Variants in CYYR1 observed in about 807,000 individuals in gnomAD.
CYYR1 encodes the protein cysteine and tyrosine-rich protein 1.
In CYYR1, 14 loss-of-function variants were observed where a neutral mutation model predicts 15.2. The ratio of observed to expected loss-of-function variants is 0.92; its 90% CI spans 0.61 to 1.44. The LOEUF (loss-of-function observed/expected upper bound fraction) is 1.44, where lower values mean the gene tolerates loss of function less well. Ranked by LOEUF, CYYR1 falls within the 40% of genes most tolerant of loss-of-function variation. The pLI is 0.00. For missense variants in CYYR1, 228 were observed against 209.5 expected (o/e 1.09, Z -0.54); for synonymous variants, 80 against 77.4 (o/e 1.03, Z -0.18).
At chr21:26,472,764 A>G (rs1416861891) in intron 3 of CYYR1, among the ~76,000 whole-genome samples, 1 of 152,160 alleles carries the variant, frequency 6.6e-6, no homozygotes, top group Non-Finnish European at 1.5e-5. Context: ...GACATTCTGA[A>G]GTTTAAAACC....
Position 26,480,430 on chromosome 21 carries a change from C to T in CYYR1, c.177-1G>A, listed in dbSNP as rs1302299756. ...AACAATGCCCGCAATTGCAGTGCCCCTAAAAGGAAAAACAAGTAAGTTTAC... is the reference window on the plus strand; with the variant it reads ...AACAATGCCCGCAATTGCAGTGCCCTTAAAAGGAAAAACAAGTAAGTTTAC... On this transcript the variant is annotated splice_acceptor_variant, in intron 2 of 3. Coordinates refer to ENST00000652641, the MANE Select transcript of CYYR1 (RefSeq NM_001320768.2). LOFTEE classifies it high-confidence loss of function. The T allele has an allele frequency of 1.4e-5, 23 of 1,606,590 alleles. No individual in the cohort carries two copies. The highest frequency in any genetic ancestry group is 2.0e-5 in the Non-Finnish European group (23 of 1,177,270).
chr21:26,495,376 C>A (rs1244837439), intron 2 of CYYR1, among the ~76,000 whole-genome samples: 1 of 152,150 alleles, frequency 6.6e-6, no homozygotes. Context: ...TCTACATTTC[C>A]CAGCTTCCCA....
At chr21:26,484,329 C>A (rs752401272) in intron 2 of CYYR1, among the ~76,000 whole-genome samples, 1 of 152,070 alleles carries the variant, frequency 6.6e-6, no homozygotes, top group African/African-American at 2.4e-5. Flanking sequence ...TGTATTTATA[C>A]TTTCCAGAGG....
intron 2 of CYYR1, among the ~76,000 whole-genome samples, chr21:26,502,880 A>T (rs1280638002): frequency 6.6e-5 from 10 of 151,958 alleles, no homozygotes; most frequent in Non-Finnish European, 1.5e-4. Flanking sequence ...TCTGTGATGA[A>T]TTTTTTCTTT....
chr21:26,483,657 G>A (rs549411839), intron 2 of CYYR1, among the ~76,000 whole-genome samples: 2 of 152,052 alleles, frequency 1.3e-5, no homozygotes, highest in African/African-American at 2.4e-5. Context: ...AAATCCTTAC[G>A]CTTTCATCTC....
rs190888003 is a variant in CYYR1 at position 26,474,132 on chromosome 21, C to T, written c.335-5498G>A. 1.2e-3 allele frequency among the ~76,000 whole-genome samples: 182 copies of T among 149,626 alleles called. 3 individuals carry two copies. The East Asian group carries it at 0.026, about 21-fold the overall frequency. ...CGCGATCTTGCCTCACTGTAAACTC[C>T]ACCTCCCAGGTGCAAGTGATTCTCC... is the stretch of plus-strand genomic sequence containing the variant. On this transcript the variant is annotated intron_variant, in intron 3 of 3. Transcript: ENST00000652641.
intron 2 of CYYR1, among the ~76,000 whole-genome samples, chr21:26,553,001 C>T (rs1020654918): frequency 2.0e-5 from 3 of 152,048 alleles, no homozygotes; most frequent in African/African-American, 7.2e-5. Flanking sequence ...TCTCTGGTAT[C>T]ATTTGCTTTC....
At chr21:26,484,574 G>A (rs2065227236) in intron 2 of CYYR1, among the ~76,000 whole-genome samples, 1 of 152,028 alleles carries the variant, frequency 6.6e-6, no homozygotes. Flanking sequence ...ATAATTCGAA[G>A]TGAGAAAATT....
At chr21:26,524,631 T>TAGC (rs72548608) in intron 2 of CYYR1, among the ~76,000 whole-genome samples, 2 of 152,016 alleles carry the variant, frequency 1.3e-5, no homozygotes, top group Non-Finnish European at 2.9e-5. Flanking sequence ...AACCACTTAG[T>TAGC]AATGTCTTGC....
intron 3 of CYYR1, among the ~76,000 whole-genome samples, chr21:26,476,585 C>CATCTATCTATCTATCTATCTATCT (rs11450529): frequency 2.8e-5 from 4 of 143,738 alleles, no homozygotes; most frequent in African/African-American, 5.5e-5. Context: ...CCCTATCTAT[C>CATCTATCTATCTATCTATCTATCT]ATCTATCTAT....
intron 1 of CYYR1, among the ~76,000 whole-genome samples, chr21:26,569,761 A>G (rs902755769): frequency 1.1e-4 from 16 of 152,198 alleles, no homozygotes; most frequent in African/African-American, 3.9e-4. Context: ...CGCCATCAAT[A>G]TCGAAGATTC....
chr21:26,543,703 C>T (rs1168259554), intron 2 of CYYR1, among the ~76,000 whole-genome samples: 2 of 152,046 alleles, frequency 1.3e-5, no homozygotes, highest in East Asian at 1.9e-4. Context: ...GTCCGGAGTT[C>T]GAGACCAGCC....
At chr21:26,548,627 G>A (rs1004540613) in intron 2 of CYYR1, among the ~76,000 whole-genome samples, 5 of 152,286 alleles carry the variant, frequency 3.3e-5, no homozygotes, top group South Asian at 2.1e-4. Context: ...GGGATCACAG[G>A]CATGAGCCAC....
At chr21:26,476,884 G>A (rs1406126590) in intron 3 of CYYR1, among the ~76,000 whole-genome samples, 1 of 152,106 alleles carries the variant, frequency 6.6e-6, no homozygotes, top group African/African-American at 2.4e-5. Flanking sequence ...GTTCTGAAAA[G>A]TAGTGGAAAT....
At chr21:26,492,069 G>A (rs1307658365) in intron 2 of CYYR1, among the ~76,000 whole-genome samples, 11 of 152,162 alleles carry the variant, frequency 7.2e-5, no homozygotes, top group Admixed American at 7.2e-4. Flanking sequence ...TGATTGATTG[G>A]AGCTGTCATA....
chr21:26,495,389 C>T (rs1011471148), intron 2 of CYYR1, among the ~76,000 whole-genome samples: 4 of 152,306 alleles, frequency 2.6e-5, no homozygotes, highest in East Asian at 1.9e-4. Flanking sequence ...GCTTCCCACG[C>T]GTCTCAGAAG....
At chr21:26,508,987 A>G (rs2065608590) in intron 2 of CYYR1, among the ~76,000 whole-genome samples, 1 of 152,226 alleles carries the variant, frequency 6.6e-6, no homozygotes, top group Admixed American at 6.5e-5. Flanking sequence ...CTCCATTGTA[A>G]ATAACTGTTC....
At chr21:26,559,157 A>G (rs192815474) in intron 2 of CYYR1, among the ~76,000 whole-genome samples, 1 of 152,286 alleles carries the variant, frequency 6.6e-6, no homozygotes, top group East Asian at 1.9e-4. Context: ...TTTGAGCCCA[A>G]TGGGTATGAG....
At chr21:26,483,512 A>T in intron 2 of CYYR1, 2 of 712,724 alleles carry the variant, frequency 2.8e-6, no homozygotes, top group Non-Finnish European at 3.4e-6. Context: ...CTGAGATCAG[A>T]CCATAGATCT....
Sources: gnomAD v4.1 joint callset for allele counts (sites outside exome capture counted in the v4.1 genomes callset) on GRCh38, gnomAD v4.1.1 for gene constraint, MANE v1.5 for transcripts, NCBI Gene and HGNC (gene_info 2026-07-23, HGNC 2026-07-21) for gene names.